The following TEKT5 variants were observed in gnomAD, a reference collection of about 807,000 sequenced individuals.
TEKT5 encodes the protein tektin-5.
Under a neutral mutation model 48.7 loss-of-function variants are expected in TEKT5, and 52 were observed. The observed-to-expected ratio is 1.07, with a 90% CI of 0.86 to 1.35. TEKT5 has a LOEUF of 1.35. TEKT5 is among the 40% of genes most tolerant of loss of function. TEKT5 has a pLI of 0.00. For synonymous variants in TEKT5, 318 were observed against 267.6 expected, an observed-to-expected ratio of 1.19 and a Z score of -1.84; for missense variants, 831 against 641.6, an observed-to-expected ratio of 1.30 and a Z score of -3.19.
At chr16:10,672,544 C>T (rs867170404) in intron 5 of TEKT5, among the ~76,000 whole-genome samples, 1 of 152,044 alleles carries the variant, frequency 6.6e-6, no homozygotes, top group Non-Finnish European at 1.5e-5. Context: ...TGCAGTGAGC[C>T]GAGATTGCGC....
At chr16:10,684,102 G>GA (rs34553064) in intron 3 of TEKT5, among the ~76,000 whole-genome samples, 1 of 151,180 alleles carries the variant, frequency 6.6e-6, no homozygotes, top group Non-Finnish European at 1.5e-5. Flanking sequence ...CCTGTTGGCT[G>GA]AAAAAAAAAG....
chr16:10,660,422 A>C (rs893728849), intron 5 of TEKT5, among the ~76,000 whole-genome samples: 2 of 149,890 alleles, frequency 1.3e-5, no homozygotes, highest in African/African-American at 4.9e-5. Context: ...GGTGTCCTGG[A>C]GGTAAAAGGT....
At chr16:10,690,853 T>A in intron 1 of TEKT5, 1 of 904,276 alleles carries the variant, frequency 1.1e-6, no homozygotes. Flanking sequence ...GATGTCAAGG[T>A]CTGGATGTCA....
intron 5 of TEKT5, among the ~76,000 whole-genome samples, chr16:10,672,785 C>G (rs111489795): frequency 2.0e-3 from 311 of 152,142 alleles, no homozygotes; most frequent in Non-Finnish European, 3.2e-3. Flanking sequence ...ACTATGTGCC[C>G]GCACTCCTTC....
chr16:10,682,288 AC>A, intron 3 of TEKT5, 152 bp from the exon 4 acceptor site: 2 of 747,476 alleles, frequency 2.7e-6, no homozygotes, highest in South Asian at 4.3e-5. Context: ...CCCACCACAT[AC>A]CCAGAGGCTC....
chr16:10,678,388 C>T (rs1898686967), intron 4 of TEKT5, among the ~76,000 whole-genome samples: 1 of 152,192 alleles, frequency 6.6e-6, no homozygotes, highest in Non-Finnish European at 1.5e-5. Context: ...TGAGCCACCG[C>T]ACCCGGCCTC....
chr16:10,654,238 A>G (rs966103783), intron 5 of TEKT5, among the ~76,000 whole-genome samples: 1 of 152,062 alleles, frequency 6.6e-6, no homozygotes, highest in African/African-American at 2.4e-5. Context: ...TTTCACAGAG[A>G]TGAGGTTTTC....
intron 1 of TEKT5, among the ~76,000 whole-genome samples, chr16:10,690,277 T>A (rs1205051159): frequency 2.0e-5 from 3 of 152,044 alleles, no homozygotes; most frequent in Non-Finnish European, 4.4e-5. Flanking sequence ...TAAAGTAGCA[T>A]CCCAAGAACC....
At chr16:10,658,102 T>C (rs1898293883) in intron 5 of TEKT5, among the ~76,000 whole-genome samples, 1 of 152,148 alleles carries the variant, frequency 6.6e-6, no homozygotes, top group Non-Finnish European at 1.5e-5. Context: ...GTAATCTAAA[T>C]GAAAGAGATG....
rs557877013 is a variant in TEKT5, at chr16:10,663,638, C to T, written c.1086+12321G>A. On this transcript the variant is annotated intron_variant, in intron 5 of 6. Coordinates refer to ENST00000283025, the MANE Select transcript of TEKT5 (RefSeq NM_144674.2). ...ATGAACGCCCCAGAGCTGGGACTCT[C>T]AACCCTTGGCACTCTTGACATTTGA... is the stretch of plus-strand genomic sequence containing the variant. Among the ~76,000 whole-genome samples, 10 of 152,328 alleles carry T rather than the reference C, an allele frequency of 6.6e-5. No individual in the cohort carries two copies. The East Asian group carries it at 1.5e-3, about 23-fold the overall frequency.
intron 3 of TEKT5, among the ~76,000 whole-genome samples, chr16:10,685,850 C>T (rs543566319): frequency 7.2e-5 from 11 of 152,112 alleles, no homozygotes; most frequent in Non-Finnish European, 1.6e-4. Context: ...TCTCCCAGAT[C>T]CCCCCACCTC....
At chr16:10,692,241 G>C (rs1379562574) in intron 1 of TEKT5, among the ~76,000 whole-genome samples, 1 of 152,142 alleles carries the variant, frequency 6.6e-6, no homozygotes, top group Non-Finnish European at 1.5e-5. Flanking sequence ...AGTAGGTCTG[G>C]GATACTGCTG....
At chr16:10,668,859 T>C (rs377679519) in intron 5 of TEKT5, among the ~76,000 whole-genome samples, 11 of 152,080 alleles carry the variant, frequency 7.2e-5, no homozygotes, top group African/African-American at 2.2e-4. Context: ...CAGGATCAAG[T>C]AAATAATGCA....
At chr16:10,689,863 A>T in intron 2 of TEKT5, 79 bp downstream of exon 2, 2 of 1,394,684 alleles carry the variant, frequency 1.4e-6, no homozygotes, top group Non-Finnish European at 2.0e-6. Flanking sequence ...TGCTCCTGAC[A>T]GGTAGCTCAG....
At chr16:10,656,977 G>C (rs1233755697) in intron 5 of TEKT5, among the ~76,000 whole-genome samples, 1 of 152,126 alleles carries the variant, frequency 6.6e-6, no homozygotes, top group Admixed American at 6.6e-5. Flanking sequence ...GGGCTCAAGT[G>C]ATCCTCCCAC....
Position 10,694,685 on chromosome 16 carries a change from G to C in TEKT5, c.189C>G (p.Thr63=), listed in dbSNP as rs1239259358. Residue 63 remains threonine, a synonymous_variant, in exon 1 of 7, where the codon ACC becomes ACG. Coordinates refer to ENST00000283025, the MANE Select transcript of TEKT5 (RefSeq NM_144674.2). ...SLFYKIANVQ[T]CPDESTSTLR... ...GGGTACTGGTGCTCTCGTCCGGGCA[G>C]GTCTGGACGTTGGCTATCTTGTAGA... is the stretch of plus-strand genomic sequence containing the variant. The C allele has an allele frequency of 2.5e-6, 4 of 1,613,640 alleles. No homozygotes were observed. The highest frequency in any genetic ancestry group is 3.4e-6 in the Non-Finnish European group (4 of 1,179,722).
chr16:10,654,251 G>T (rs547681391), intron 5 of TEKT5, among the ~76,000 whole-genome samples: 1 of 151,998 alleles, frequency 6.6e-6, no homozygotes, highest in Non-Finnish European at 1.5e-5. Context: ...AGGTTTTCCC[G>T]CGTTGGCCAG....
At chr16:10,682,650 A>G (rs1396017802) in intron 3 of TEKT5, among the ~76,000 whole-genome samples, 1 of 152,204 alleles carries the variant, frequency 6.6e-6, no homozygotes, top group Non-Finnish European at 1.5e-5. Context: ...TAGAAGAAGG[A>G]TGGGTAAGCA....
intron 1 of TEKT5, among the ~76,000 whole-genome samples, chr16:10,693,466 G>C (rs992089061): frequency 7.2e-5 from 11 of 152,314 alleles, no homozygotes; most frequent in African/African-American, 2.6e-4. Context: ...CCCTGTCCTA[G>C]GCTGGGAATA....
Sources: gnomAD v4.1 joint callset for allele counts (sites outside exome capture counted in the v4.1 genomes callset) on GRCh38, gnomAD v4.1.1 for gene constraint, MANE v1.5 for transcripts, NCBI Gene and HGNC (gene_info 2026-07-23, HGNC 2026-07-21) for gene names.